The following C10orf105 variants were observed in gnomAD, a reference collection of about 807,000 sequenced individuals.
The protein encoded by C10orf105 is uncharacterized protein C10orf105.
In C10orf105, 2 loss-of-function variants were observed where a neutral mutation model predicts 0.6. That is an observed-to-expected ratio of 3.18 (90% CI 1.30 to 10.01). The LOEUF is 10.01. C10orf105 is among the 30% of genes most tolerant of loss of function. The pLI, the probability that C10orf105 is intolerant of heterozygous loss-of-function variation, is 0.04. For missense variants in C10orf105, 209 were observed against 191.4 expected (o/e 1.09, Z -0.54); for synonymous variants, 95 against 82.4 (o/e 1.15, Z -0.83).
intron 1 of C10orf105, among the ~76,000 whole-genome samples, chr10:71,729,180 C>T (rs753929459): frequency 6.6e-5 from 10 of 152,162 alleles, no homozygotes; most frequent in Non-Finnish European, 1.2e-4. Context: ...ATGTACAGTG[C>T]ACACATTCAT....
At chr10:71,732,780 C>A in intron 1 of C10orf105, 1 of 951,374 alleles carries the variant, frequency 1.1e-6, no homozygotes, top group Non-Finnish European at 1.3e-6. Flanking sequence ...AGATCCTTCA[C>A]CTCTGGTCAT....
At chr10:71,730,126 C>A (rs184630085) in intron 1 of C10orf105, among the ~76,000 whole-genome samples, 1 of 152,156 alleles carries the variant, frequency 6.6e-6, no homozygotes, top group East Asian at 1.9e-4. Context: ...CGTGAGCCAC[C>A]GCGCCCGGCC....
chr10:71,713,246 A>C lies in C10orf105; in HGVS notation c.*2690T>G, dbSNP rs758166805. On this transcript the variant is annotated 3_prime_UTR_variant, in exon 2 of 2. Coordinates refer to ENST00000441508, the MANE Select transcript of C10orf105 (RefSeq NM_001164375.3). ...TCTTGGGAAGTAAACAGGCACAAGAAGAAAGGGCTCCTTTGCCCAGGGAGC... is the reference window on the plus strand; with the variant it reads ...TCTTGGGAAGTAAACAGGCACAAGACGAAAGGGCTCCTTTGCCCAGGGAGC... 3 of 779,278 alleles carry C rather than the reference A, an allele frequency of 3.8e-6. No individual in the cohort carries two copies. The highest frequency in any genetic ancestry group is 1.7e-5 in the Admixed American group (1 of 58,972). 48.3% of individuals were successfully genotyped at this position (779,278 alleles called of 1,614,324 possible).
upstream of C10orf105, among the ~76,000 whole-genome samples, chr10:71,720,502 C>A (rs905325807): frequency 5.3e-5 from 8 of 152,096 alleles, no homozygotes; most frequent in African/African-American, 1.9e-4. Context: ...CCCTGACAAC[C>A]AGCTGCCTGC....
intron 1 of C10orf105, among the ~76,000 whole-genome samples, chr10:71,727,449 G>A (rs898072683): frequency 1.3e-5 from 2 of 152,342 alleles, no homozygotes; most frequent in South Asian, 2.1e-4. Flanking sequence ...CATGAGACCC[G>A]GGAGAGCTGG....
In C10orf105 at chr10:71,713,227, G is replaced by A. The variant is rs756805967; in HGVS notation, c.*2709C>T. The A allele has an allele frequency of 1.4e-5, 11 of 779,108 alleles. No homozygotes were observed. The highest frequency in any genetic ancestry group is 1.3e-4 in the South Asian group (10 of 74,496). 48.3% of individuals were successfully genotyped at this position (779,108 alleles called of 1,614,324 possible). ...CCCTTGGCCGAGGCTCCCCTCTTGG[G>A]AAGTAAACAGGCACAAGAAGAAAGG... On this transcript the variant is annotated 3_prime_UTR_variant, in exon 2 of 2. Coordinates refer to ENST00000441508, the MANE Select transcript of C10orf105 (RefSeq NM_001164375.3).
At chr10:71,737,081 G>A (rs578216055) in intron 1 of C10orf105, among the ~76,000 whole-genome samples, 1 of 152,254 alleles carries the variant, frequency 6.6e-6, no homozygotes, top group South Asian at 2.1e-4. Context: ...CCGATCACAA[G>A]GACCCTTGTC....
chr10:71,713,145 G>A lies in C10orf105; in HGVS notation c.*2791C>T. On this transcript the variant is annotated 3_prime_UTR_variant, in exon 2 of 2. Transcript: ENST00000441508. Reference sequence around the variant, plus strand: ...AGAGACGTCACAATTTCCCGGAAAGGAGTTGAGAAGAGAGCCAGGGCCCAG... The same window carrying A: ...AGAGACGTCACAATTTCCCGGAAAGAAGTTGAGAAGAGAGCCAGGGCCCAG... 2.6e-6 allele frequency: 2 copies of A among 779,018 alleles called. No homozygotes were observed. The highest frequency in any genetic ancestry group is 4.8e-6 in the Non-Finnish European group (2 of 417,644). The allele number at this position is 779,018 out of a possible 1,614,324, so 48.3% of individuals were successfully genotyped here.
Position 71,732,490 on chromosome 10 carries a change from A to G in C10orf105, c.-6+5238T>C, listed in dbSNP as rs182941962. 22 of 1,453,354 alleles carry G rather than the reference A, an allele frequency of 1.5e-5. No homozygotes were observed. In the Admixed American group the frequency reaches 3.0e-4, roughly 20 times the overall value. 90.0% of individuals were successfully genotyped at this position (1,453,354 alleles called of 1,614,324 possible). On this transcript the variant is annotated intron_variant, in intron 1 of 1. Coordinates refer to the C10orf105 transcript ENST00000398786. ...TCATAAAATGTCCTTGAGATGGCCA[A>G]GTGTGGTGTTAGGTACCTGTAGTCC...
chr10:71,724,731 A>G (rs1866730210), upstream of C10orf105, among the ~76,000 whole-genome samples: 2 of 152,344 alleles, frequency 1.3e-5, no homozygotes, highest in African/African-American at 2.4e-5. Flanking sequence ...ACTGGGTCTC[A>G]TTGGTCCAAT....
intron 1 of C10orf105, among the ~76,000 whole-genome samples, chr10:71,733,026 G>C (rs1317702739): frequency 6.6e-6 from 1 of 152,154 alleles, no homozygotes; most frequent in African/African-American, 2.4e-5. Context: ...CTCCACTTCA[G>C]CTGCCAATCA....
intron 1 of C10orf105, among the ~76,000 whole-genome samples, chr10:71,730,286 C>A (rs77692593): frequency 3.3e-5 from 5 of 152,234 alleles, no homozygotes; most frequent in Non-Finnish European, 5.9e-5. Context: ...GCACCTGCCA[C>A]GCGCCAGGTG....
upstream of C10orf105, among the ~76,000 whole-genome samples, chr10:71,723,412 C>A (rs1402098126): frequency 6.6e-6 from 1 of 152,194 alleles, no homozygotes; most frequent in Admixed American, 6.5e-5. Context: ...AACGTCCCCC[C>A]CCACACACAA....
At chr10:71,736,386 C>T (rs1839566278) in intron 1 of C10orf105, among the ~76,000 whole-genome samples, 1 of 152,224 alleles carries the variant, frequency 6.6e-6, no homozygotes, top group African/African-American at 2.4e-5. Context: ...CCACAGCTCA[C>T]CTCCACCTGG....
At chr10:71,727,268 C>A (rs1324849770) in intron 1 of C10orf105, among the ~76,000 whole-genome samples, 1 of 152,236 alleles carries the variant, frequency 6.6e-6, no homozygotes, top group Non-Finnish European at 1.5e-5. Flanking sequence ...CCTTGGCAGC[C>A]AGCTTGAGCC....
chr10:71,717,446 C>T (rs1263051766), intron 1 of C10orf105: 1 of 152,260 alleles, frequency 6.6e-6, no homozygotes, highest in African/African-American at 2.4e-5. Flanking sequence ...GCTGGAAACC[C>T]CCCAGGGACA....
intron 1 of C10orf105, chr10:71,716,895 T>A (rs1866276607): frequency 6.6e-6 from 1 of 152,264 alleles, no homozygotes; most frequent in African/African-American, 2.4e-5. Flanking sequence ...GTGCCTGAAT[T>A]CTCTTGAAAT....
At chr10:71,717,479 C>T (rs1866321960) in intron 1 of C10orf105, 1 of 152,312 alleles carries the variant, frequency 6.6e-6, no homozygotes, top group African/African-American at 2.4e-5. Context: ...CAGGGCATTT[C>T]CTTTCCCACT....
chr10:71,730,695 A>T lies in C10orf105; in HGVS notation c.-6+7033T>A, dbSNP rs1235998445. ...CCCTCCTTCGAAACGGTCATCCCTGATGCTTCAGGCTCCCCATTTAGCCAT... is the reference window on the plus strand; with the variant it reads ...CCCTCCTTCGAAACGGTCATCCCTGTTGCTTCAGGCTCCCCATTTAGCCAT... On this transcript the variant is annotated intron_variant, in intron 1 of 1. Coordinates refer to the C10orf105 transcript ENST00000398786. 2.0e-5 allele frequency: 31 copies of T among 1,546,420 alleles called. No homozygotes were observed. The East Asian group carries it at 3.5e-4, about 18-fold the overall frequency.
Sources: allele counts gnomAD v4.1 joint callset (sites outside exome capture counted in the v4.1 genomes callset), GRCh38; gene constraint gnomAD v4.1.1; transcripts MANE v1.5; gene names NCBI Gene and HGNC (gene_info 2026-07-23, HGNC 2026-07-21).